GRIA2: variants seen among roughly 807,000 people sequenced by gnomAD.
GRIA2 encodes the protein glutamate receptor 2.
GRIA2 carries 14 observed loss-of-function variants against 97.3 expected under a neutral mutation model. That is an observed-to-expected ratio of 0.14 (90% confidence interval 0.10 to 0.23). GRIA2 has a LOEUF of 0.23. Ranked by LOEUF, GRIA2 falls within the 10% of genes least tolerant of loss-of-function variation. The pLI, the probability that GRIA2 is intolerant of heterozygous loss-of-function variation, is 1.00. For missense variants in GRIA2, 558 were observed against 1,069.8 expected, an observed-to-expected ratio of 0.52 and a Z score of 6.67; for synonymous variants, 412 against 387.8, an observed-to-expected ratio of 1.06 and a Z score of -0.73.
At chr4:157,362,556 T>G in intron 14 of GRIA2, 1 of 597,426 alleles carries the variant, frequency 1.7e-6, no homozygotes, top group East Asian at 3.5e-5. Flanking sequence ...AAGAAATGAA[T>G]AAATAGAAGT....
intron 9 of GRIA2, chr4:157,335,419 G>A (rs917312903): frequency 1.5e-5 from 7 of 478,386 alleles, no homozygotes; most frequent in Middle Eastern, 5.7e-4. Context: ...AAGAGTTTGT[G>A]GTTTTGAGTA....
intron 4 of GRIA2, 40 bp from the exon 5 acceptor site, chr4:157,317,618 A>G: frequency 1.3e-6 from 1 of 764,496 alleles, no homozygotes; most frequent in Non-Finnish European, 2.2e-6. Context: ...CACTTGCATT[A>G]TTTGTATTAA....
chr4:157,266,614 A>T (rs1731781897), intron 2 of GRIA2, among the ~76,000 whole-genome samples: 1 of 152,062 alleles, frequency 6.6e-6, no homozygotes, highest in Non-Finnish European at 1.5e-5. Flanking sequence ...CAGTGAGCTA[A>T]TGAATGATGG....
intron 12 of GRIA2, among the ~76,000 whole-genome samples, chr4:157,354,921 A>G (rs898975842): frequency 1.3e-5 from 2 of 152,178 alleles, no homozygotes; most frequent in African/African-American, 4.8e-5. Flanking sequence ...TATTTATACC[A>G]TTAAAATAAG....
At chr4:157,269,784 G>A (rs755410870) in intron 2 of GRIA2, among the ~76,000 whole-genome samples, 1 of 152,014 alleles carries the variant, frequency 6.6e-6, no homozygotes, top group Non-Finnish European at 1.5e-5. Flanking sequence ...ATTTAAATGT[G>A]TCTGTTAAAT....
At chr4:157,301,694 T>C (rs542825664) in intron 2 of GRIA2, among the ~76,000 whole-genome samples, 48 of 152,314 alleles carry the variant, frequency 3.2e-4, no homozygotes, top group Non-Finnish European at 4.1e-4. Context: ...CTACAGACCA[T>C]CTATTTTTGT....
chr4:157,356,663 T>C (rs1736391967), intron 12 of GRIA2, among the ~76,000 whole-genome samples: 1 of 152,182 alleles, frequency 6.6e-6, no homozygotes, highest in Non-Finnish European at 1.5e-5. Flanking sequence ...TGTGTGCATG[T>C]AACATGAAAT....
At chr4:157,331,525 A>T (rs1169548211) in intron 6 of GRIA2, among the ~76,000 whole-genome samples, 1 of 152,078 alleles carries the variant, frequency 6.6e-6, no homozygotes, top group African/African-American at 2.4e-5. Context: ...TTATCACTGT[A>T]TAAAAACAAA....
At chr4:157,251,475 A>T (rs1302725668) in intron 2 of GRIA2, among the ~76,000 whole-genome samples, 1 of 152,040 alleles carries the variant, frequency 6.6e-6, no homozygotes, top group Admixed American at 6.6e-5. Context: ...AGAGAATAAA[A>T]GTTTTTCACT....
At chr4:157,294,479 G>A (rs1733251320) in intron 2 of GRIA2, among the ~76,000 whole-genome samples, 1 of 151,426 alleles carries the variant, frequency 6.6e-6, no homozygotes, top group African/African-American at 2.4e-5. Context: ...AGAAAACAGA[G>A]CAAGAGGAAA....
At chr4:157,302,871 G>A (rs926447587) in intron 2 of GRIA2, among the ~76,000 whole-genome samples, 3 of 152,130 alleles carry the variant, frequency 2.0e-5, no homozygotes, top group Admixed American at 6.6e-5. Flanking sequence ...TGATGAGGAT[G>A]TGCAAATACA....
chr4:157,325,430 A>T (rs1401403750), intron 6 of GRIA2, among the ~76,000 whole-genome samples: 1 of 152,178 alleles, frequency 6.6e-6, no homozygotes, highest in African/African-American at 2.4e-5. Flanking sequence ...TATTTACTCA[A>T]CACATATTTA....
chr4:157,277,838 A>ATATATATGTATATATG (rs1217946188), intron 2 of GRIA2, among the ~76,000 whole-genome samples: 1,479 of 142,404 alleles, frequency 0.01, 31 homozygotes, highest in African/African-American at 0.035. Flanking sequence ...ATATATGTAT[A>ATATATATGTATATATG]TATATATGTA....
chr4:157,269,469 G>A (rs960297946), intron 2 of GRIA2, among the ~76,000 whole-genome samples: 3 of 152,036 alleles, frequency 2.0e-5, no homozygotes, highest in East Asian at 1.9e-4. Context: ...ATTAGTAAAC[G>A]TACCTCTGAA....
At chr4:157,268,136 A>G (rs1731853792) in intron 2 of GRIA2, among the ~76,000 whole-genome samples, 1 of 152,130 alleles carries the variant, frequency 6.6e-6, no homozygotes, top group Non-Finnish European at 1.5e-5. Flanking sequence ...AAGGGGATTC[A>G]TAAACGAGAC....
chr4:157,233,434 T>G (rs1730111114), intron 2 of GRIA2, among the ~76,000 whole-genome samples: 1 of 152,170 alleles, frequency 6.6e-6, no homozygotes, highest in Non-Finnish European at 1.5e-5. Context: ...TCCTAATGTT[T>G]TATTTTATGT....
chr4:157,283,621 G>A (rs1324798530), intron 2 of GRIA2, among the ~76,000 whole-genome samples: 2 of 151,798 alleles, frequency 1.3e-5, no homozygotes, highest in Admixed American at 1.3e-4. Context: ...GTTTGGATAT[G>A]GAAATAAACC....
intron 2 of GRIA2, among the ~76,000 whole-genome samples, chr4:157,245,474 T>C (rs1730691986): frequency 6.6e-6 from 1 of 152,106 alleles, no homozygotes; most frequent in South Asian, 2.1e-4. Flanking sequence ...AAGATACTTA[T>C]GATTTCTAAG....
chr4:157,256,286 CATATATTAT>C (rs1482365730), intron 2 of GRIA2, among the ~76,000 whole-genome samples: 23 of 108,540 alleles, frequency 2.1e-4, no homozygotes, highest in African/African-American at 7.4e-4. Context: ...TTATATATTA[CATATATTAT>C]ATATAATATT....
Sources: gnomAD v4.1 joint callset for allele counts (sites outside exome capture counted in the v4.1 genomes callset) on GRCh38, gnomAD v4.1.1 for gene constraint, MANE v1.5 for transcripts, NCBI Gene and HGNC (gene_info 2026-07-23, HGNC 2026-07-21) for gene names.